SCHIP1: variants seen among roughly 807,000 people sequenced by gnomAD.
SCHIP1 encodes schwannomin interacting protein 1.
A neutral mutation model predicts 29.7 loss-of-function variants in SCHIP1; 8 were observed. The observed-to-expected ratio is 0.27, with a 90% CI of 0.16 to 0.49. SCHIP1 has a LOEUF of 0.49. SCHIP1 is among the 20% of genes least tolerant of loss of function. SCHIP1 has a pLI of 0.99. For synonymous variants in SCHIP1, 76 were observed against 94.9 expected (o/e 0.80, Z 1.16); for missense variants, 193 against 294.6 (o/e 0.66, Z 2.52).
the SCHIP1 span, among the ~76,000 whole-genome samples, chr3:159,664,925 T>G: frequency 6.6e-6 from 1 of 151,678 alleles, no homozygotes; most frequent in Non-Finnish European, 1.5e-5. Context: ...AATGAAAAAC[T>G]CTGGAGGAAG....
chr3:159,778,344 T>C, the SCHIP1 span, among the ~76,000 whole-genome samples: 1 of 152,162 alleles, frequency 6.6e-6, no homozygotes, highest in Non-Finnish European at 1.5e-5. Context: ...TTTGGAATAA[T>C]TTTAGATTTG....
chr3:159,636,053 ATTTT>A, the SCHIP1 span, among the ~76,000 whole-genome samples: 1 of 152,102 alleles, frequency 6.6e-6, no homozygotes, highest in Admixed American at 6.5e-5. Context: ...TTATTATTTT[ATTTT>A]ATTATTTTGG....
chr3:159,626,994 C>A, the SCHIP1 span, among the ~76,000 whole-genome samples: 1 of 152,162 alleles, frequency 6.6e-6, no homozygotes, highest in Non-Finnish European at 1.5e-5. Flanking sequence ...TTAAACCCCA[C>A]GTGCATTAGG....
At chr3:159,722,073 G>T in the SCHIP1 span, 1 of 365,540 alleles carries the variant, frequency 2.7e-6, no homozygotes, top group South Asian at 2.7e-5. Flanking sequence ...GGTTTCTGCA[G>T]AAAACAATGT....
At chr3:159,551,352 C>T in the SCHIP1 span, among the ~76,000 whole-genome samples, 8 of 152,108 alleles carry the variant, frequency 5.3e-5, no homozygotes, top group Non-Finnish European at 1.2e-4. Context: ...CACCAAATCC[C>T]ATCTGAACTG....
chr3:159,441,551 G>C, the SCHIP1 span, among the ~76,000 whole-genome samples: 1 of 152,034 alleles, frequency 6.6e-6, no homozygotes, highest in East Asian at 1.9e-4. Context: ...TATTATGTGA[G>C]AGTTCAAACC....
the SCHIP1 span, among the ~76,000 whole-genome samples, chr3:159,794,050 C>A: frequency 5.3e-5 from 8 of 152,336 alleles, no homozygotes; most frequent in East Asian, 1.5e-3. Flanking sequence ...AGGTCTTTAA[C>A]GTCATCACAT....
At chr3:159,338,414 G>T in the SCHIP1 span, among the ~76,000 whole-genome samples, 4 of 152,136 alleles carry the variant, frequency 2.6e-5, no homozygotes, top group Non-Finnish European at 5.9e-5. Flanking sequence ...TGAGTGAAGA[G>T]CGGTAAAGTG....
chr3:159,827,775 G>T, the SCHIP1 span, among the ~76,000 whole-genome samples: 1 of 149,790 alleles, frequency 6.7e-6, no homozygotes, highest in Non-Finnish European at 1.5e-5. Flanking sequence ...ACTGCAGTCC[G>T]CAGTCCGGCT....
the SCHIP1 span, among the ~76,000 whole-genome samples, chr3:159,569,525 C>A: frequency 6.6e-6 from 1 of 152,104 alleles, no homozygotes; most frequent in Admixed American, 6.6e-5. Flanking sequence ...GCATAGTGTT[C>A]CATGGTGTAT....
At chr3:159,559,817 C>T in the SCHIP1 span, among the ~76,000 whole-genome samples, 2 of 152,108 alleles carry the variant, frequency 1.3e-5, no homozygotes, top group African/African-American at 4.8e-5. Flanking sequence ...TCATGCTTGA[C>T]AGAGTTGTGC....
chr3:159,371,067 TGA>T, the SCHIP1 span, among the ~76,000 whole-genome samples: 17 of 6,064 alleles, frequency 2.8e-3, no homozygotes, highest in Admixed American at 0.018. Flanking sequence ...CTTTCCTGAT[TGA>T]TTAGAATGAG....
the SCHIP1 span, among the ~76,000 whole-genome samples, chr3:159,711,030 C>T: frequency 2.0e-5 from 3 of 152,066 alleles, no homozygotes; most frequent in South Asian, 6.2e-4. Context: ...ATAGAGGTGA[C>T]ATTACAGTTT....
chr3:159,611,568 T>A, the SCHIP1 span, among the ~76,000 whole-genome samples: 15 of 151,276 alleles, frequency 9.9e-5, no homozygotes, highest in Non-Finnish European at 2.1e-4. Flanking sequence ...TTAGGACAAA[T>A]ACCTAATGTA....
the SCHIP1 span, among the ~76,000 whole-genome samples, chr3:159,604,920 G>A: frequency 1.3e-5 from 2 of 152,160 alleles, no homozygotes; most frequent in African/African-American, 4.8e-5. Flanking sequence ...CCACTAAAAT[G>A]ACCAAATTGT....
chr3:159,653,118 G>A, the SCHIP1 span, among the ~76,000 whole-genome samples: 31 of 152,278 alleles, frequency 2.0e-4, no homozygotes, highest in African/African-American at 7.0e-4. Context: ...GGAGAAATAG[G>A]AACACTTTTA....
At chr3:159,373,658 TC>T in the SCHIP1 span, among the ~76,000 whole-genome samples, 4 of 152,132 alleles carry the variant, frequency 2.6e-5, no homozygotes, top group Non-Finnish European at 5.9e-5. Flanking sequence ...AGAAGTTCAT[TC>T]AGTATTTGTC....
chr3:159,895,264 G>A (rs368216138), intron 6 of SCHIP1, among the ~76,000 whole-genome samples: 2 of 152,004 alleles, frequency 1.3e-5, no homozygotes, highest in African/African-American at 4.8e-5. Context: ...TTTATTTATG[G>A]GCTGCTGAGT....
chr3:159,502,018 A>T, the SCHIP1 span, among the ~76,000 whole-genome samples: 1 of 152,218 alleles, frequency 6.6e-6, no homozygotes, highest in African/African-American at 2.4e-5. Flanking sequence ...AGGTCAATGA[A>T]TCTTCCACTA....
Sources: allele counts gnomAD v4.1 joint callset (sites outside exome capture counted in the v4.1 genomes callset), GRCh38; gene constraint gnomAD v4.1.1; transcripts MANE v1.5; gene names NCBI Gene and HGNC (gene_info 2026-07-23, HGNC 2026-07-21).